FCHSD1: variants seen among roughly 807,000 people sequenced by gnomAD.
FCHSD1 encodes the protein FCH and double SH3 domains 1.
In FCHSD1, 109 loss-of-function variants were observed where a neutral mutation model predicts 101.3. That is an observed-to-expected ratio of 1.08 (90% CI 0.92 to 1.26). The LOEUF is 1.26. Among genes scored for constraint, FCHSD1 ranks in the 50% most tolerant of loss-of-function variants. The probability of loss-of-function intolerance (pLI) is 0.00; values close to 1 mark genes in which losing one functional copy is unlikely to be tolerated. For missense variants in FCHSD1, 820 were observed against 895.8 expected (o/e 0.92, Z 1.08); for synonymous variants, 291 against 356.8 (o/e 0.82, Z 2.08).
In FCHSD1 at chr5:141,644,868, T is replaced by C; in HGVS notation, c.1515A>G (p.Glu505=). ...LEVIEEGDAD[E]WVKARNQHGE... ...GGGGTCCCATACCCACCTTGACCCA[T>C]TCGTCAGCATCTCCCTCCTCTATGA... Residue 505 remains glutamate, a synonymous_variant, in exon 15 of 20, where the codon GAA becomes GAG. Transcript: ENST00000435817. 6.2e-7 allele frequency: 1 copy of C among 1,613,644 alleles called. No homozygotes were observed. Among genetic ancestry groups the C allele is most frequent in the Non-Finnish European group, 8.5e-7 (1 of 1,179,814 alleles).
Position 141,643,015 on chromosome 5 carries a change from G to A in FCHSD1, c.1937C>T (p.Pro646Leu). 5 of 1,564,768 alleles carry A rather than the reference G, an allele frequency of 3.2e-6. No homozygotes were observed. Among genetic ancestry groups the A allele is most frequent in the Non-Finnish European group, 8.7e-7 (1 of 1,155,692 alleles). ...PTSVLDGPPA[P>L]VLPGDKALDF... ...CTTCCACTCACCCCCAGGCAGGACAGGTGCAGGGGGCCCATCCAACACAGA... is the reference window on the plus strand; with the variant it reads ...CTTCCACTCACCCCCAGGCAGGACAAGTGCAGGGGGCCCATCCAACACAGA... The change falls in exon 18 of 20, where the codon CCT becomes CTT. Residue 646 changes from proline to leucine, a missense_variant. Pro to Leu is a moderately conservative substitution (Grantham distance 98). Transcript: ENST00000435817.
intron 14 of FCHSD1, 22 bp from the exon 15 acceptor site, chr5:141,644,964 C>G: frequency 6.2e-7 from 1 of 1,613,934 alleles, no homozygotes; most frequent in Non-Finnish European, 8.5e-7. Context: ...ACGAAGGATT[C>G]AGGACTTGGC....
chr5:141,642,667 C>T (rs2099907086), intron 18 of FCHSD1: 2 of 548,786 alleles, frequency 3.6e-6, no homozygotes, highest in South Asian at 2.4e-5. Flanking sequence ...AAAATAATAA[C>T]AGTGACTGCA....
At chr5:141,651,207 G>T (rs952104192) in intron 1 of FCHSD1, 90 bp from the exon 2 acceptor site, 30 of 1,486,866 alleles carry the variant, frequency 2.0e-5, no homozygotes, top group Middle Eastern at 3.4e-4. Flanking sequence ...GGCCGGGGGG[G>T]TGCTGAGCTC....
chr5:141,646,071 CAG>C lies in FCHSD1; in HGVS notation c.1149+14_1149+15del, dbSNP rs754650904. 5 of 1,601,756 alleles carry C rather than the reference CAG, an allele frequency of 3.1e-6. No individual in the cohort carries two copies. The highest frequency in any genetic ancestry group is 2.7e-5 in the African/African-American group (2 of 74,740). On this transcript the variant is annotated intron_variant, in intron 12 of 19. Coordinates refer to ENST00000435817, the MANE Select transcript of FCHSD1 (RefSeq NM_033449.3). ...CCTGAGAAGGTGGGATCTCTAACCT[CAG>C]GGGTGTGCCTCACCTGTGCCCGGCG... is the stretch of plus-strand genomic sequence containing the variant.
rs2099908224 is a variant in FCHSD1 at position 141,650,386 on chromosome 5, C to A, written c.138G>T (p.Arg46Ser). 6.2e-7 allele frequency: 1 copy of A among 1,613,766 alleles called. No individual in the cohort carries two copies. The highest frequency in any genetic ancestry group is 8.5e-7 in the Non-Finnish European group (1 of 1,179,894). Residue 46 changes from arginine to serine, a missense_variant, in exon 3 of 20, where the codon AGG (arginine) becomes AGT (serine). Coordinates refer to ENST00000435817, the MANE Select transcript of FCHSD1 (RefSeq NM_033449.3). ...GCCCATACTCCCGTTCAATGGCTGCCCTCTGCTTGCTGTAGGATCTGCGGA... is the reference window on the plus strand; with the variant it reads ...GCCCATACTCCCGTTCAATGGCTGCACTCTGCTTGCTGTAGGATCTGCGGA... ...LEDIRSYSKQ[R>S]AAIEREYGQA... is the part of the protein sequence containing the mutation.
Position 141,640,093 on chromosome 5 carries a change from G to A in FCHSD1, c.*1405C>T. On this transcript the variant is annotated 3_prime_UTR_variant, in exon 20 of 20. Coordinates refer to ENST00000435817, the MANE Select transcript of FCHSD1 (RefSeq NM_033449.3). ...GCCATGGAGAGGCTGCCCCCTGAGA[G>A]GCCACAGCCCCAGGTCCTAGCCAGC... 8 of 1,613,656 alleles carry A rather than the reference G, an allele frequency of 5.0e-6. No homozygotes were observed. The highest frequency in any genetic ancestry group is 1.1e-5 in the South Asian group (1 of 91,084).
At chr5:141,645,684 A>G in intron 13 of FCHSD1, 87 bp downstream of exon 13, 1 of 1,440,282 alleles carries the variant, frequency 6.9e-7, no homozygotes, top group South Asian at 1.4e-5. Context: ...GTTAGGCACA[A>G]CTGTGATTCC....
At position 141,645,037 on chromosome 5, in the gene FCHSD1, C is replaced by T. The variant is rs757271005; in HGVS notation, c.1423G>A (p.Val475Met). 2.3e-5 allele frequency: 37 copies of T among 1,608,882 alleles called. No individual in the cohort carries two copies. Among genetic ancestry groups the T allele is most frequent in the Admixed American group, 8.4e-5 (5 of 59,782 alleles). ...ATRALPCPAHVVFRYQAGRED... is the reference protein window; with the variant it reads ...ATRALPCPAHMVFRYQAGRED... ...ATTCATACCTGATAGCGAAATACCA[C>T]GTGTGCAGGGCAGGGGAGGGCCCTC... Residue 475 changes from valine (V) to methionine (M), a missense_variant, in exon 14 of 20, where the codon GTG (valine) becomes ATG (methionine). Val to Met is a conservative substitution (Grantham distance 21). Coordinates refer to ENST00000435817, the MANE Select transcript of FCHSD1 (RefSeq NM_033449.3).
chr5:141,644,855 C>G lies in FCHSD1; in HGVS notation c.1524+4G>C. The G allele has an allele frequency of 6.2e-7, 1 of 1,613,400 alleles. No individual in the cohort carries two copies. Among genetic ancestry groups the G allele is most frequent in the Non-Finnish European group, 8.5e-7 (1 of 1,179,734 alleles). On this transcript the variant is annotated splice_donor_region_variant and intron_variant, in intron 15 of 19. Transcript: ENST00000435817. Reference sequence around the variant, plus strand: ...AAGGTCAGAGCCCGGGGTCCCATACCCACCTTGACCCATTCGTCAGCATCT... The same window carrying G: ...AAGGTCAGAGCCCGGGGTCCCATACGCACCTTGACCCATTCGTCAGCATCT...
chr5:141,647,353 G>C (rs1351890069), intron 9 of FCHSD1, 45 bp downstream of exon 9: 1 of 1,573,340 alleles, frequency 6.4e-7, no homozygotes, highest in Admixed American at 1.9e-5. Flanking sequence ...GGAGGGAAGG[G>C]TAAAAAGGAT....
chr5:141,649,182 C>T lies in FCHSD1; in HGVS notation c.502G>A (p.Val168Ile), dbSNP rs1596467203. Residue 168 changes from valine to isoleucine, a missense_variant, in exon 6 of 20, where the codon GTC (valine) becomes ATC (isoleucine). By Grantham distance (29) the Val-to-Ile change is conservative. Coordinates refer to ENST00000435817, the MANE Select transcript of FCHSD1 (RefSeq NM_033449.3). The surrounding 1 kb of genome is among the most constrained non-coding windows in gnomAD (Gnocchi z 4.1). ...WALAQEKAAD[V>I]QARLNRSDHG... is the part of the protein sequence containing the mutation. ...TCTCCATGACCCCACCTGGCCTGGA[C>T]ATCAGCCGCCTTCTCCTGTGCCAAG... 1 of 1,614,012 alleles carries T rather than the reference C, an allele frequency of 6.2e-7. No homozygotes were observed. The highest frequency in any genetic ancestry group is 8.5e-7 in the Non-Finnish European group (1 of 1,179,892).
Position 141,641,756 on chromosome 5 carries a change from G to A in FCHSD1, c.1953C>T (p.Asp651=). 7 of 1,613,990 alleles carry A rather than the reference G, an allele frequency of 4.3e-6. No homozygotes were observed. Among genetic ancestry groups the A allele is most frequent in the Non-Finnish European group, 5.9e-6 (7 of 1,179,880 alleles). The part of the protein sequence containing the change: ...DGPPAPVLPG[D]KALDFPGFLD... Reference sequence around the variant, plus strand: ...GGAACCCAGGGAAGTCCAGGGCTTTGTCTGGAAATAAGAACCACAAGTCAG... The same window carrying A: ...GGAACCCAGGGAAGTCCAGGGCTTTATCTGGAAATAAGAACCACAAGTCAG... Residue 651 remains aspartate (D), a splice_region_variant and synonymous_variant, in exon 19 of 20, where the codon GAC becomes GAT. Coordinates refer to ENST00000435817, the MANE Select transcript of FCHSD1 (RefSeq NM_033449.3).
chr5:141,649,385 T>TG lies in FCHSD1; in HGVS notation c.375+9dup. 6.2e-7 allele frequency: 1 copy of TG among 1,613,902 alleles called. No individual in the cohort carries two copies. The highest frequency in any genetic ancestry group is 8.5e-7 in the Non-Finnish European group (1 of 1,179,828). ...CCAGCTCTTCCTTCACCCCAACCTC[T>TG]GAGCCATACCTTCCTAAGCACCTGC... On this transcript the variant is annotated intron_variant, in intron 5 of 19. Transcript: ENST00000435817. This position sits in a 1 kb window ranked among gnomAD's most constrained non-coding sequence, Gnocchi z 4.1.
At position 141,641,462 on chromosome 5, in the gene FCHSD1, C is replaced by G. The variant is rs773509569; in HGVS notation, c.*36G>C. On this transcript the variant is annotated 3_prime_UTR_variant, in exon 20 of 20. Coordinates refer to ENST00000435817, the MANE Select transcript of FCHSD1 (RefSeq NM_033449.3). ...TGGTCTGACAGCTTGAAGATAGGGA[C>G]AGCAGCATCACTGGGGGTCAAGGCT... The G allele has an allele frequency of 9.7e-6, 14 of 1,450,714 alleles. No individual in the cohort carries two copies. Among genetic ancestry groups the G allele is most frequent in the Non-Finnish European group, 1.3e-5 (14 of 1,097,190 alleles). The allele number at this position is 1,450,714 out of a possible 1,614,324, so 89.9% of individuals were successfully genotyped here. A position where few individuals can be genotyped will look rare whatever the true frequency, so the allele number is the denominator to read the frequency against.
Position 141,641,562 on chromosome 5 carries a change from A to G in FCHSD1, c.2009T>C (p.Met670Thr), listed in dbSNP as rs762538530. ...AGCCGGCGGGGGAGGTGGTGGACGC[A>G]TCTGTAGGGAACACACAGTTAGTGC... ...LDMMAPRLRP[M>T]RPPPPPPAKA... is the part of the protein sequence containing the mutation. Residue 670 changes from methionine to threonine, a missense_variant and splice_region_variant, in exon 20 of 20, where the codon ATG (methionine) becomes ACG (threonine). Transcript: ENST00000435817. The G allele has an allele frequency of 1.9e-6, 3 of 1,557,116 alleles. No individual in the cohort carries two copies. Among genetic ancestry groups the G allele is most frequent in the Middle Eastern group, 1.7e-4 (1 of 5,816 alleles).
At chr5:141,648,851 GCC>G in intron 7 of FCHSD1, 104 bp downstream of exon 7, 1 of 1,312,188 alleles carries the variant, frequency 7.6e-7, no homozygotes, top group South Asian at 1.2e-5. Flanking sequence ...AAGTAGGAGA[GCC>G]TGGATTCAAC....
At position 141,641,239 on chromosome 5, in the gene FCHSD1, C is replaced by G. The variant is rs552894518; in HGVS notation, c.*259G>C. On this transcript the variant is annotated 3_prime_UTR_variant, in exon 20 of 20. Transcript: ENST00000435817. ...GGATGGTTTCCAGCCCCAGAGATTT[C>G]AGGCATTTCACCACCCTAGATAGGG... 16 of 401,044 alleles carry G rather than the reference C, an allele frequency of 4.0e-5. No individual in the cohort carries two copies. The highest frequency in any genetic ancestry group is 6.6e-5 in the Non-Finnish European group (15 of 226,428). The allele number at this position is 401,044 out of a possible 1,614,324, so 24.8% of individuals were successfully genotyped here. A position where few individuals can be genotyped will look rare whatever the true frequency, so the allele number is the denominator to read the frequency against.
In FCHSD1 at chr5:141,639,674, G is replaced by C. The variant is rs773503771; in HGVS notation, c.*1824C>G. On this transcript the variant is annotated 3_prime_UTR_variant, in exon 20 of 20. Coordinates refer to ENST00000435817, the MANE Select transcript of FCHSD1 (RefSeq NM_033449.3). The surrounding 1 kb of genome is among the most constrained non-coding windows in gnomAD (Gnocchi z 4.4). ...GGTGGGGCAGGTGCTCCAGGGAAAG[G>C]GGGGCTGAGGTAGGGGGCCCAGTGA... 2.8e-5 allele frequency: 44 copies of C among 1,579,416 alleles called. No individual in the cohort carries two copies. Among genetic ancestry groups the C allele is most frequent in the Middle Eastern group, 2.3e-4 (1 of 4,388 alleles).
Sources: allele counts gnomAD v4.1 joint callset, GRCh38; gene constraint gnomAD v4.1.1; non-coding constraint Gnocchi (gnomAD v3.1); transcripts MANE v1.5; gene names NCBI Gene and HGNC (gene_info 2026-07-23, HGNC 2026-07-21).